Variants in SCAF11 observed in about 807,000 individuals in gnomAD.
SCAF11 encodes SR-related CTD associated factor 11.
In SCAF11, 47 loss-of-function variants were observed where a neutral mutation model predicts 140.5. That is an observed-to-expected ratio of 0.33 (90% confidence interval 0.26 to 0.43). The LOEUF (loss-of-function observed/expected upper bound fraction) is 0.43, where lower values mean the gene tolerates loss of function less well. Ranked by LOEUF, SCAF11 falls within the 20% of genes least tolerant of loss-of-function variation. The pLI is 1.00. For missense variants in SCAF11, 1,645 were observed against 1,705.1 expected (o/e 0.96, Z 0.62); for synonymous variants, 557 against 579.4 (o/e 0.96, Z 0.55).
chr12:45,939,761 G>C (rs1176671365), intron 6 of SCAF11, among the ~76,000 whole-genome samples: 1 of 152,180 alleles, frequency 6.6e-6, no homozygotes, highest in African/African-American at 2.4e-5. Flanking sequence ...GCTAAGTAGA[G>C]TTGCTTCTAA....
intron 1 of SCAF11, among the ~76,000 whole-genome samples, chr12:45,986,193 T>C (rs1483695926): frequency 6.6e-6 from 1 of 152,174 alleles, no homozygotes; most frequent in African/African-American, 2.4e-5. Flanking sequence ...CCAATACTCT[T>C]CCTCTGAATT....
intron 1 of SCAF11, among the ~76,000 whole-genome samples, chr12:45,984,164 G>A (rs1485470540): frequency 6.6e-6 from 1 of 152,122 alleles, no homozygotes; most frequent in East Asian, 1.9e-4. Context: ...AAAAGAAAAA[G>A]GGATTACTTC....
chr12:45,940,394 T>C (rs981212111), intron 6 of SCAF11, among the ~76,000 whole-genome samples: 3 of 152,206 alleles, frequency 2.0e-5, no homozygotes, highest in African/African-American at 4.8e-5. Flanking sequence ...GTTACAAAGG[T>C]TGCAGACAAC....
rs1225988488 is a variant in SCAF11 at position 45,922,975 on chromosome 12, A to G, written c.4086T>C (p.Val1362=). 6.2e-7 allele frequency: 1 copy of G among 1,614,214 alleles called. No individual in the cohort carries two copies. Among genetic ancestry groups the G allele is most frequent in the Non-Finnish European group, 8.5e-7 (1 of 1,180,034 alleles). The part of the protein sequence containing the change: ...AVKLAESKVS[V]AVEASADSSK... ...AGCTATCTGCGCTGGCTTCCACTGC[A>G]ACACTTACTTTGCTTTCTGCCAATT... The change falls in exon 13 of 15, where the codon GTT becomes GTC. Residue 1362 remains valine, a synonymous_variant. Coordinates refer to ENST00000369367, the MANE Select transcript of SCAF11 (RefSeq NM_004719.3).
chr12:45,967,082 T>C (rs1467379133), intron 1 of SCAF11, among the ~76,000 whole-genome samples: 1 of 152,130 alleles, frequency 6.6e-6, no homozygotes, highest in Non-Finnish European at 1.5e-5. Context: ...TAACCTGATA[T>C]ATAATTTATA....
chr12:45,957,615 T>A (rs891018122), intron 3 of SCAF11, among the ~76,000 whole-genome samples: 1 of 152,124 alleles, frequency 6.6e-6, no homozygotes, highest in African/African-American at 2.4e-5. Flanking sequence ...AAATGGGTGA[T>A]TTTGTATAAA....
chr12:45,983,804 A>T (rs1346793303), intron 1 of SCAF11, among the ~76,000 whole-genome samples: 1 of 149,782 alleles, frequency 6.7e-6, no homozygotes, highest in East Asian at 1.9e-4. Context: ...ACTAATTTTT[A>T]CCTTACTGTC....
At chr12:45,961,484 A>T (rs1945828289) in intron 3 of SCAF11, 1 of 579,560 alleles carries the variant, frequency 1.7e-6, no homozygotes, top group African/African-American at 1.9e-5. Context: ...ACTTTTTTTA[A>T]AAAAGTATGC....
At chr12:45,970,408 G>A (rs781265327) in intron 1 of SCAF11, among the ~76,000 whole-genome samples, 5 of 152,190 alleles carry the variant, frequency 3.3e-5, no homozygotes, top group Non-Finnish European at 7.3e-5. Context: ...AAATGGCCAC[G>A]AGGAAATATC....
At chr12:45,954,493 G>A (rs1018998553) in intron 3 of SCAF11, among the ~76,000 whole-genome samples, 3 of 151,846 alleles carry the variant, frequency 2.0e-5, no homozygotes. Context: ...TGCCTTGGAG[G>A]GGTTAATGGC....
Position 45,964,156 on chromosome 12 carries a change from TTTC to T in SCAF11, c.9_11del (p.Lys4del), listed in dbSNP as rs1256343947. 1.3e-6 allele frequency: 2 copies of T among 1,526,436 alleles called. No individual in the cohort carries two copies. Among genetic ancestry groups the T allele is most frequent in the Non-Finnish European group, 1.8e-6 (2 of 1,107,298 alleles). The allele number at this position is 1,526,436 out of a possible 1,614,324, so 94.6% of individuals were successfully genotyped here. On this transcript the variant is annotated inframe_deletion, in exon 2 of 15. Coordinates refer to ENST00000369367, the MANE Select transcript of SCAF11 (RefSeq NM_004719.3). ...CTCCCATATTTAGGGTACATACAGT[TTTC>T]TTCTTCATTTCTCTTTGGAAAAGGG...
At chr12:45,944,960 G>T (rs1366430629) in intron 6 of SCAF11, 20 of 359,602 alleles carry the variant, frequency 5.6e-5, no homozygotes, top group South Asian at 5.1e-4. Flanking sequence ...CTAATGGGTG[G>T]AATAAGGCCA....
intron 3 of SCAF11, among the ~76,000 whole-genome samples, chr12:45,958,419 T>A (rs551673610): frequency 1.3e-5 from 2 of 152,212 alleles, no homozygotes; most frequent in Admixed American, 1.3e-4. Flanking sequence ...CCTAACTGAA[T>A]AGATGATAAG....
chr12:45,985,882 GTTCTTACCT>G (rs1946449512), intron 1 of SCAF11, among the ~76,000 whole-genome samples: 5 of 151,998 alleles, frequency 3.3e-5, no homozygotes, highest in Non-Finnish European at 7.4e-5. Flanking sequence ...ATTTTTTTTA[GTTCTTACCT>G]TATTAAGCTC....
intron 1 of SCAF11, among the ~76,000 whole-genome samples, chr12:45,972,979 GATAT>G (rs1219143125): frequency 7.8e-6 from 1 of 128,360 alleles, no homozygotes; most frequent in African/African-American, 3.7e-5. Flanking sequence ...TAGATATATA[GATAT>G]ATAGATATAG....
chr12:45,957,868 G>T lies in SCAF11; in HGVS notation c.219+3832C>A, dbSNP rs559929148. On this transcript the variant is annotated intron_variant, in intron 3 of 14. Coordinates refer to ENST00000369367, the MANE Select transcript of SCAF11 (RefSeq NM_004719.3). The stretch of plus-strand genomic sequence containing the variant: ...GGGCCAAATTTTTAATCACTTCTCG[G>T]CAACTGTGGGAAATAATGATTCCTA... 2.8e-3 allele frequency among the ~76,000 whole-genome samples: 421 copies of T among 151,964 alleles called. 4 individuals are homozygous for T. Among genetic ancestry groups the T allele is most frequent in the South Asian group, 0.026 (125 of 4,808 alleles).
chr12:45,934,278 C>T lies in SCAF11; in HGVS notation c.530G>A (p.Arg177Lys), dbSNP rs367783034. ...GCACTGATTTGTACTCCAATTTGATCTCTGAGGCTAGAAAAGTAAAAAGTA... is the reference window on the plus strand; with the variant it reads ...GCACTGATTTGTACTCCAATTTGATTTCTGAGGCTAGAAAAGTAAAAAGTA... The part of the protein sequence containing the change: ...NAAIKINKPQ[R>K]SNWSTNQCFR... The change falls in exon 8 of 15, where the codon AGA becomes AAA. Residue 177 changes from arginine to lysine, a missense_variant. Around this residue, in one of 2 missense-constraint regions of SCAF11, gnomAD observed 1,582 missense variants for 1,609.2 expected, o/e 0.98. Transcript: ENST00000369367. 2 of 1,604,646 alleles carry T rather than the reference C, an allele frequency of 1.2e-6. No homozygotes were observed. The highest frequency in any genetic ancestry group is 1.3e-5 in the African/African-American group (1 of 74,652).
Position 45,920,056 on chromosome 12 carries a change from T to C in SCAF11, c.*1992A>G, listed in dbSNP as rs544483806. ...TTGATATTCTGAAACACTGTCTTAATACTTTATTAGAAGAAATATGCTTGA... is the reference window on the plus strand; with the variant it reads ...TTGATATTCTGAAACACTGTCTTAACACTTTATTAGAAGAAATATGCTTGA... On this transcript the variant is annotated 3_prime_UTR_variant, in exon 15 of 15. Coordinates refer to ENST00000369367, the MANE Select transcript of SCAF11 (RefSeq NM_004719.3). 3 of 152,354 alleles carry C rather than the reference T, an allele frequency of 2.0e-5. No homozygotes were observed. The highest frequency in any genetic ancestry group is 7.2e-5 in the African/African-American group (3 of 41,596). 9.4% of individuals were successfully genotyped at this position (152,354 alleles called of 1,614,324 possible). A position where few individuals can be genotyped will look rare whatever the true frequency, so the allele number is the denominator to read the frequency against.
At chr12:45,992,013 C>T, upstream of SCAF11, 3 of 1,288,984 alleles carry the variant, frequency 2.3e-6, no homozygotes, top group African/African-American at 1.5e-5. Context: ...CCCACTTTGC[C>T]GCGGCCCCGC....
Sources: allele counts gnomAD v4.1 joint callset (sites outside exome capture counted in the v4.1 genomes callset), GRCh38; gene constraint gnomAD v4.1.1; regional missense constraint gnomAD v4.1.1; transcripts MANE v1.5; gene names NCBI Gene and HGNC (gene_info 2026-07-23, HGNC 2026-07-21).